The following HPD variants were observed in gnomAD, a reference collection of about 807,000 sequenced individuals.
HPD encodes the protein 4-hydroxyphenylpyruvic acid oxidase.
HPD carries 35 observed loss-of-function variants against 56.9 expected under a neutral mutation model. The observed-to-expected ratio is 0.62, with a 90% CI of 0.47 to 0.82. The LOEUF (loss-of-function observed/expected upper bound fraction) is 0.82, where lower values mean the gene tolerates loss of function less well. Ranked by LOEUF, HPD falls within the 40% of genes least tolerant of loss-of-function variation. The pLI, the probability that HPD is intolerant of heterozygous loss-of-function variation, is 0.00. For synonymous variants in HPD, 186 were observed against 200.2 expected (o/e 0.93, Z 0.60); for missense variants, 442 against 506.8 (o/e 0.87, Z 1.23).
Position 121,849,780 on chromosome 12 carries a change from G to A in HPD, c.425C>T (p.Thr142Ile). 5.6e-6 allele frequency: 9 copies of A among 1,612,716 alleles called. No individual in the cohort carries two copies. The highest frequency in any genetic ancestry group is 7.6e-6 in the Non-Finnish European group (9 of 1,178,994). ...KFAVLQTYGD[T>I]THTLVEKMNY... ...CATCTTCTCCACCAGGGTGTGTGTG[G>A]TGTCCCCATACTACGGGTGGAAAAC... The change falls in exon 8 of 14, where the codon ACC becomes ATC. Residue 142 changes from threonine to isoleucine, a missense_variant. Transcript: ENST00000289004.
upstream of HPD, among the ~76,000 whole-genome samples, chr12:121,865,535 C>A (rs1226184547): frequency 6.8e-6 from 1 of 147,894 alleles, no homozygotes; most frequent in Non-Finnish European, 1.5e-5. Flanking sequence ...TCCCAAAGTG[C>A]TGGGATTACA....
chr12:121,857,904 T>G (rs936954036), intron 2 of HPD, 85 bp from the exon 3 acceptor site: 3 of 1,000,298 alleles, frequency 3.0e-6, no homozygotes, highest in African/African-American at 3.2e-5. Context: ...CTAGCCACCC[T>G]CCTTATTCCA....
chr12:121,840,830 G>T (rs1418147847), intron 12 of HPD, among the ~76,000 whole-genome samples: 6 of 151,798 alleles, frequency 4.0e-5, no homozygotes, highest in Admixed American at 3.9e-4. Flanking sequence ...GGCCGAGGCA[G>T]GTGGATCACC....
chr12:121,863,131 C>T (rs148308452), upstream of HPD, among the ~76,000 whole-genome samples: 1,738 of 152,206 alleles, frequency 0.011, 11 homozygotes, highest in Middle Eastern at 0.017. Context: ...TACAGGCATG[C>T]GCCACCACAC....
Position 121,846,809 on chromosome 12 carries a change from T to C in HPD, c.831+53A>G, listed in dbSNP as rs2247291. 0.86 allele frequency: 1,351,227 copies of C among 1,570,482 alleles called. 582,154 individuals are homozygous for C. Among genetic ancestry groups the C allele is most frequent in the Middle Eastern group, 0.91 (5,407 of 5,968 alleles). On this transcript the variant is annotated intron_variant, in intron 11 of 13. Transcript: ENST00000289004. ...ACCCGCCCTCTCAATTTTGCAGAGA[T>C]CGTCCCTGGCTCTGAATGAGAGAGG...
At chr12:121,846,391 A>G (rs1349932941) in intron 11 of HPD, among the ~76,000 whole-genome samples, 1 of 151,868 alleles carries the variant, frequency 6.6e-6, no homozygotes, top group African/African-American at 2.4e-5. Context: ...TAATTTTTGT[A>G]TTTTTAGTAG....
chr12:121,872,716 A>G, the HPD span, among the ~76,000 whole-genome samples: 116 of 151,776 alleles, frequency 7.6e-4, 1 homozygote, highest in Middle Eastern at 3.4e-3. Context: ...TTTGCTCTGG[A>G]TCTTCTGCTT....
At chr12:121,879,453 C>CTCTTT in the HPD span, among the ~76,000 whole-genome samples, 1 of 114,070 alleles carries the variant, frequency 8.8e-6, no homozygotes, top group African/African-American at 2.9e-5. Flanking sequence ...ACCCAGACTA[C>CTCTTT]TCTTTTCTTT....
intron 6 of HPD, 28 bp downstream of exon 6, chr12:121,856,296 C>T (rs760151739): frequency 6.3e-7 from 1 of 1,592,500 alleles, no homozygotes; most frequent in African/African-American, 1.3e-5. Flanking sequence ...AGGCCTTCCT[C>T]TCTCAGTCCA....
chr12:121,842,820 T>G (rs1877453461), intron 12 of HPD, among the ~76,000 whole-genome samples: 2 of 141,518 alleles, frequency 1.4e-5, no homozygotes, highest in African/African-American at 2.6e-5. Context: ...CAATCTCGGC[T>G]CACTGCAACC....
chr12:121,857,892 C>T, intron 2 of HPD, 73 bp from the exon 3 acceptor site: 1 of 1,080,758 alleles, frequency 9.3e-7, no homozygotes, highest in Non-Finnish European at 1.4e-6. Flanking sequence ...GAGTGATGTC[C>T]CCTAGCCACC....
At chr12:121,847,822 C>T (rs1877637791) in intron 9 of HPD, among the ~76,000 whole-genome samples, 1 of 152,116 alleles carries the variant, frequency 6.6e-6, no homozygotes, top group Non-Finnish European at 1.5e-5. Flanking sequence ...CAGGCATGAG[C>T]CACTGTGCCC....
At chr12:121,867,417 T>TTTTTC (rs575144049), upstream of HPD, among the ~76,000 whole-genome samples, 37 of 151,924 alleles carry the variant, frequency 2.4e-4, 1 homozygote, top group South Asian at 7.1e-3. Flanking sequence ...TACTTTCTTG[T>TTTTTC]TTTTCTTTTC....
At position 121,855,366 on chromosome 12, in the gene HPD, C is replaced by G. The variant is rs896044744; in HGVS notation, c.325-574G>C. On this transcript the variant is annotated intron_variant, in intron 6 of 13. Transcript: ENST00000289004. ...AGAGCCTGGCTCTGGAACGCACACT[C>G]TGAATCTGTAGGCTGCCTGTTGGGT... Among the ~76,000 whole-genome samples the G allele has an allele frequency of 2.8e-4, 42 of 152,340 alleles. 1 individual carries two copies. Among genetic ancestry groups the G allele is most frequent in the African/African-American group, 9.4e-4 (39 of 41,572 alleles).
the HPD span, among the ~76,000 whole-genome samples, chr12:121,887,221 T>A: frequency 0.028 from 4,199 of 149,252 alleles, 156 homozygotes; most frequent in African/African-American, 0.082. Context: ...AATTATTATT[T>A]TTTTTTTTTT....
intron 12 of HPD, among the ~76,000 whole-genome samples, chr12:121,841,179 C>A (rs1877394677): frequency 7.2e-6 from 1 of 138,264 alleles, no homozygotes; most frequent in Non-Finnish European, 1.5e-5. Context: ...CCAGCCTGGG[C>A]AACAGAGCAA....
chr12:121,842,169 G>A (rs1397834894), intron 12 of HPD, among the ~76,000 whole-genome samples: 2 of 152,020 alleles, frequency 1.3e-5, no homozygotes, highest in Admixed American at 1.3e-4. Context: ...TTTTGCCCAG[G>A]CTGGAATGCA....
rs753320389 is a variant in HPD at position 121,846,902 on chromosome 12, A to T, written c.791T>A (p.Val264Asp). Residue 264 changes from valine (V) to aspartate (D), a missense_variant, in exon 11 of 14, where the codon GTC becomes GAC. Coordinates refer to ENST00000289004, the MANE Select transcript of HPD (RefSeq NM_002150.3). Reference sequence around the variant, plus strand: ...TTCGGTCTTGAGAGCGATGTGCTGGACCCCAGCGCCCCCGTTATAGTCCAC... The same window carrying T: ...TTCGGTCTTGAGAGCGATGTGCTGGTCCCCAGCGCCCCCGTTATAGTCCAC... ...EYVDYNGGAG[V>D]QHIALKTEDI... The T allele has an allele frequency of 1.9e-6, 3 of 1,614,000 alleles. No individual in the cohort carries two copies. The highest frequency in any genetic ancestry group is 2.5e-6 in the Non-Finnish European group (3 of 1,179,986).
At chr12:121,844,956 C>T (rs1406050655) in intron 11 of HPD, among the ~76,000 whole-genome samples, 3 of 150,324 alleles carry the variant, frequency 2.0e-5, no homozygotes, top group South Asian at 4.2e-4. Flanking sequence ...TGGTGTCATG[C>T]ACCTGTAATC....
Sources: allele counts gnomAD v4.1 joint callset (sites outside exome capture counted in the v4.1 genomes callset), GRCh38; gene constraint gnomAD v4.1.1; transcripts MANE v1.5; gene names NCBI Gene and HGNC (gene_info 2026-07-23, HGNC 2026-07-21).